Variants in DCLK1 observed in about 807,000 individuals in gnomAD.
The protein encoded by DCLK1 is doublecortin like kinase 1.
Under a neutral mutation model 86.2 loss-of-function variants are expected in DCLK1, and 16 were observed. The observed-to-expected ratio is 0.19, with a 90% CI of 0.13 to 0.28. The LOEUF (loss-of-function observed/expected upper bound fraction) is 0.28, where lower values mean the gene tolerates loss of function less well. Among genes scored for constraint, DCLK1 ranks in the 10% least tolerant of loss-of-function variants. The pLI is 1.00. For missense variants in DCLK1, 590 were observed against 940.2 expected (o/e 0.63, Z 4.87); for synonymous variants, 369 against 370.5 (o/e 1.00, Z 0.05).
In DCLK1 at chr13:35,799,184, G is replaced by C. The variant is rs113697138; in HGVS notation, c.1945-5705C>G. ...CAAACCAATTAAATCAGAATGTCTG[G>C]GGGCAAAACCCAGGCATCAGACCTG... On this transcript the variant is annotated intron_variant, in intron 15 of 16. Transcript: ENST00000360631. Among the ~76,000 whole-genome samples the C allele has an allele frequency of 3.6e-3, 541 of 152,234 alleles. 2 individuals carry two copies. The highest frequency in any genetic ancestry group is 0.012 in the African/African-American group (507 of 41,546).
chr13:36,085,003 G>T (rs1464060321), intron 3 of DCLK1, among the ~76,000 whole-genome samples: 1 of 152,052 alleles, frequency 6.6e-6, no homozygotes, highest in Admixed American at 6.6e-5. Context: ...ACCACCATGT[G>T]GCCAAAGATA....
intron 3 of DCLK1, among the ~76,000 whole-genome samples, chr13:35,987,683 T>G (rs1879998457): frequency 6.6e-6 from 1 of 151,954 alleles, no homozygotes; most frequent in Non-Finnish European, 1.5e-5. Context: ...ACGGATGAAA[T>G]GGGAGGAGGC....
chr13:36,014,972 TATTA>T (rs1443992907), intron 3 of DCLK1, among the ~76,000 whole-genome samples: 2 of 147,542 alleles, frequency 1.4e-5, no homozygotes, highest in East Asian at 2.1e-4. Context: ...AATGTGCCAT[TATTA>T]ATTCTCTCTC....
intron 3 of DCLK1, among the ~76,000 whole-genome samples, chr13:36,080,022 T>C (rs1195138453): frequency 6.6e-6 from 1 of 152,178 alleles, no homozygotes; most frequent in African/African-American, 2.4e-5. Flanking sequence ...TGCAGTGACA[T>C]ACACACATGT....
chr13:36,056,903 AAAAATAT>A (rs1026100868), intron 3 of DCLK1, among the ~76,000 whole-genome samples: 7 of 138,848 alleles, frequency 5.0e-5, no homozygotes, highest in Non-Finnish European at 9.5e-5. Flanking sequence ...CAAAAAAAAA[AAAAATAT>A]ATATATATAT....
intron 4 of DCLK1, among the ~76,000 whole-genome samples, chr13:35,883,597 C>T (rs6563206): frequency 0.39 from 58,741 of 152,028 alleles, 11,949 homozygotes; most frequent in Non-Finnish European, 0.46. Flanking sequence ...TATAGCAACA[C>T]AAATGGACTA....
chr13:35,782,497 A>G (rs1368825861), intron 16 of DCLK1, among the ~76,000 whole-genome samples: 2 of 152,192 alleles, frequency 1.3e-5, no homozygotes, highest in African/African-American at 4.8e-5. Context: ...TAGTTCCTTT[A>G]ATTGCAGAAA....
Position 35,848,187 on chromosome 13 carries a change from G to A in DCLK1, c.1035+6312C>T, listed in dbSNP as rs115662760. On this transcript the variant is annotated intron_variant, in intron 6 of 16. Transcript: ENST00000360631. ...CTTTTGCTGAAGCATTCCCCGCTCA[G>A]TAGAACAATTTAAAAATTCATTGCC... 227 of 985,262 alleles carry A rather than the reference G, an allele frequency of 2.3e-4. No homozygotes were observed. In the African/African-American group the frequency reaches 3.9e-3, roughly 17 times the overall value. 61.0% of individuals were successfully genotyped at this position (985,262 alleles called of 1,614,324 possible).
At chr13:35,776,437 C>A (rs1359262195) in intron 16 of DCLK1, among the ~76,000 whole-genome samples, 1 of 152,164 alleles carries the variant, frequency 6.6e-6, no homozygotes, top group Non-Finnish European at 1.5e-5. Flanking sequence ...AGAAAAAAGT[C>A]ATTGGCATTG....
intron 6 of DCLK1, chr13:35,849,534 C>G: frequency 1.0e-6 from 1 of 979,314 alleles, no homozygotes; most frequent in Non-Finnish European, 1.2e-6. Flanking sequence ...TACAATAGAC[C>G]ATACACATTA....
chr13:35,976,716 A>G (rs918972911), intron 3 of DCLK1, among the ~76,000 whole-genome samples: 1 of 149,654 alleles, frequency 6.7e-6, no homozygotes, highest in Admixed American at 6.7e-5. Context: ...TTGTATTTTT[A>G]GTAGAGACGG....
chr13:36,030,224 C>G (rs1882213698), intron 3 of DCLK1, among the ~76,000 whole-genome samples: 1 of 152,202 alleles, frequency 6.6e-6, no homozygotes, highest in Admixed American at 6.5e-5. Flanking sequence ...CCCACTGTCA[C>G]TCTGTAAGAG....
intron 3 of DCLK1, among the ~76,000 whole-genome samples, chr13:36,108,008 G>A (rs1457256259): frequency 2.0e-5 from 3 of 151,720 alleles, no homozygotes; most frequent in African/African-American, 4.8e-5. Context: ...CAGGGGACAT[G>A]ATTTTAACTG....
In DCLK1 at chr13:36,047,430, T is replaced by C. The variant is rs1363963317; in HGVS notation, c.723+64439A>G. On this transcript the variant is annotated intron_variant, in intron 3 of 16. Transcript: ENST00000360631. ...CCAAGGTATGGAAGCAATCTAAGTG[T>C]CAATCAATGGATAGATACATGGGTT... is the stretch of plus-strand genomic sequence containing the variant. Among the ~76,000 whole-genome samples the C allele has an allele frequency of 2.0e-5, 3 of 152,292 alleles. No individual in the cohort carries two copies. In the East Asian group the frequency reaches 5.8e-4, roughly 29 times the overall value.
chr13:35,959,890 T>C (rs929537661), intron 3 of DCLK1, among the ~76,000 whole-genome samples: 18 of 139,378 alleles, frequency 1.3e-4, no homozygotes, highest in Non-Finnish European at 2.2e-4. Context: ...TGTGTGTGTG[T>C]GTGCACCTGT....
intron 3 of DCLK1, among the ~76,000 whole-genome samples, chr13:36,108,460 A>T (rs1345747055): frequency 6.6e-6 from 1 of 152,214 alleles, no homozygotes; most frequent in African/African-American, 2.4e-5. Flanking sequence ...CCCGAGAGGC[A>T]ACTGAGCAAG....
intron 3 of DCLK1, among the ~76,000 whole-genome samples, chr13:36,031,095 C>T (rs1411831182): frequency 5.3e-5 from 8 of 152,188 alleles, no homozygotes; most frequent in African/African-American, 1.7e-4. Flanking sequence ...GCTCAGACTC[C>T]GTCTCTGGAG....
intron 3 of DCLK1, among the ~76,000 whole-genome samples, chr13:36,032,609 G>A (rs754886580): frequency 4.6e-5 from 7 of 152,158 alleles, no homozygotes; most frequent in Non-Finnish European, 2.9e-5. Flanking sequence ...AGGTCAAATG[G>A]ACTCTGATTT....
At chr13:35,914,368 T>TATAC (rs1566600337) in intron 4 of DCLK1, among the ~76,000 whole-genome samples, 445 of 16,366 alleles carry the variant, frequency 0.027, 5 homozygotes, top group Non-Finnish European at 0.046. Flanking sequence ...TATATATATA[T>TATAC]GTATATATAT....
Sources: gnomAD v4.1 joint callset for allele counts (sites outside exome capture counted in the v4.1 genomes callset) on GRCh38, gnomAD v4.1.1 for gene constraint, MANE v1.5 for transcripts, NCBI Gene and HGNC (gene_info 2026-07-23, HGNC 2026-07-21) for gene names.